The following IL1RAPL2 variants were observed in gnomAD, a reference collection of about 807,000 sequenced individuals.
IL1RAPL2 encodes interleukin 1 receptor accessory protein like 2, also known as X-linked interleukin-1 receptor accessory protein-like 2.
A neutral mutation model predicts 44.1 loss-of-function variants in IL1RAPL2; 3 were observed. That is an observed-to-expected ratio of 0.07 (90% CI 0.03 to 0.18). The LOEUF (loss-of-function observed/expected upper bound fraction) is 0.18. Ranked by LOEUF, IL1RAPL2 falls within the 10% of genes least tolerant of loss-of-function variation. The probability of loss-of-function intolerance (pLI) is 1.00; values close to 1 mark genes in which losing one functional copy is unlikely to be tolerated. For missense variants in IL1RAPL2, 391 were observed against 496.4 expected, an observed-to-expected ratio of 0.79 and a Z score of 2.02; for synonymous variants, 181 against 178.8, an observed-to-expected ratio of 1.01 and a Z score of -0.10.
intron 2 of IL1RAPL2, among the ~76,000 whole-genome samples, chrX:104,826,938 C>CTTTTTTTTTTTTTTTT (rs1176113214): frequency 1.5e-3 from 51 of 34,871 alleles, no homozygotes; most frequent in Admixed American, 1.8e-3. Context: ...GCAACCCCTG[C>CTTTTTTTTTTTTTTTT]TTTTTTTTTT....
At chrX:104,952,565 A>T (rs1245132768) in intron 2 of IL1RAPL2, among the ~76,000 whole-genome samples, 1 of 111,963 alleles carries the variant, frequency 8.9e-6, no homozygotes, top group Non-Finnish European at 1.9e-5. Flanking sequence ...AGAGTTATGT[A>T]TTATTTCCCA....
At chrX:104,660,706 G>T (rs1364892219) in intron 2 of IL1RAPL2, among the ~76,000 whole-genome samples, 3 of 104,945 alleles carry the variant, frequency 2.9e-5, no homozygotes, top group Non-Finnish European at 3.9e-5. Context: ...GGAGGCCAAG[G>T]TGGGTGGATT....
At chrX:105,299,451 A>G (rs2034679139) in intron 5 of IL1RAPL2, among the ~76,000 whole-genome samples, 1 of 111,146 alleles carries the variant, frequency 9.0e-6, no homozygotes, top group Non-Finnish European at 1.9e-5. Flanking sequence ...AAGTGTGGAG[A>G]TCATTGATTG....
chrX:104,891,608 T>C (rs959475174), intron 2 of IL1RAPL2, among the ~76,000 whole-genome samples: 1 of 112,036 alleles, frequency 8.9e-6, no homozygotes, highest in African/African-American at 3.2e-5. Flanking sequence ...CCATTATTGA[T>C]GTATAAGAAT....
chrX:104,584,011 T>C (rs1301938114), intron 1 of IL1RAPL2, among the ~76,000 whole-genome samples: 7 of 111,166 alleles, frequency 6.3e-5, no homozygotes, highest in Non-Finnish European at 1.1e-4. Context: ...AGTCCCGGGT[T>C]CCTCAAAGTG....
chrX:104,741,718 C>T (rs751185003), intron 2 of IL1RAPL2, among the ~76,000 whole-genome samples: 1 of 110,804 alleles, frequency 9.0e-6, no homozygotes, highest in Non-Finnish European at 1.9e-5. Context: ...GTTGTTTCAG[C>T]ACTGAGGATC....
chrX:105,618,175 G>A (rs185987142), intron 6 of IL1RAPL2, among the ~76,000 whole-genome samples: 2 of 107,451 alleles, frequency 1.9e-5, no homozygotes, highest in East Asian at 5.9e-4. Context: ...TACACCCTTA[G>A]GCAGAAAGAA....
intron 6 of IL1RAPL2, among the ~76,000 whole-genome samples, chrX:105,660,770 T>C (rs1171035853): frequency 2.8e-5 from 3 of 108,550 alleles, no homozygotes; most frequent in African/African-American, 1.0e-4. Context: ...CAAAACAACA[T>C]AAAACAGATA....
intron 2 of IL1RAPL2, among the ~76,000 whole-genome samples, chrX:104,938,612 G>A (rs1925083493): frequency 9.3e-6 from 1 of 107,841 alleles, no homozygotes; most frequent in Non-Finnish European, 1.9e-5. Context: ...TTTCCCTTTT[G>A]TTTTCTGCTC....
At chrX:104,695,372 C>A (rs753024456) in intron 2 of IL1RAPL2, among the ~76,000 whole-genome samples, 91 of 106,915 alleles carry the variant, frequency 8.5e-4, no homozygotes, top group Non-Finnish European at 1.4e-3. Flanking sequence ...AGAGAGAGAG[C>A]GAGCACGAGA....
chrX:105,119,079 T>A (rs1236358428), intron 2 of IL1RAPL2, among the ~76,000 whole-genome samples: 1 of 111,478 alleles, frequency 9.0e-6, no homozygotes, highest in Non-Finnish European at 1.9e-5. Context: ...TGTAGCCAGG[T>A]TTTTAGTTAC....
chrX:105,210,276 G>T (rs2033797702), intron 3 of IL1RAPL2, among the ~76,000 whole-genome samples: 1 of 111,312 alleles, frequency 9.0e-6, no homozygotes, highest in Non-Finnish European at 1.9e-5. Context: ...GTATTTCTGT[G>T]AACATTTAAT....
intron 3 of IL1RAPL2, among the ~76,000 whole-genome samples, chrX:105,221,990 T>G (rs781972980): frequency 3.8e-4 from 42 of 111,741 alleles, no homozygotes; most frequent in Non-Finnish European, 6.8e-4. Context: ...CTGTCTTTAA[T>G]TTCTTCATAA....
rs759437149 is a variant in IL1RAPL2, at chrX:104,761,923, CCTTCTTCTTCTTCTTCTT to C, written c.82+102972_82+102989del. ...TCCTTCTCCTTCTCCTTCTCCTTCTCCTTCTTCTTCTTCTTCTTCTTCTTCTTCTTCTTCTTCTTCTTC... is the reference window on the plus strand; with the variant it reads ...TCCTTCTCCTTCTCCTTCTCCTTCTCCTTCTTCTTCTTCTTCTTCTTCTTC... On this transcript the variant is annotated intron_variant, in intron 2 of 10. Transcript: ENST00000372582. Among the ~76,000 whole-genome samples, 205 of 30,775 alleles carry C rather than the reference CCTTCTTCTTCTTCTTCTT, an allele frequency of 6.7e-3. 5 individuals carry two copies. The highest frequency in any genetic ancestry group is 0.013 in the South Asian group (5 of 374). The allele number at this position is 30,775 out of a possible 115,157, so 26.7% of individuals were successfully genotyped here. A position where few individuals can be genotyped will look rare whatever the true frequency, so the allele number is the denominator to read the frequency against.
intron 2 of IL1RAPL2, among the ~76,000 whole-genome samples, chrX:104,994,473 A>T (rs1009111996): frequency 1.8e-5 from 2 of 111,518 alleles, no homozygotes; most frequent in Non-Finnish European, 3.8e-5. Context: ...TCTGTAAAAA[A>T]CCCATTGAAC....
intron 6 of IL1RAPL2, among the ~76,000 whole-genome samples, chrX:105,527,525 T>C (rs1393961112): frequency 9.1e-6 from 1 of 109,328 alleles, no homozygotes; most frequent in Non-Finnish European, 1.9e-5. Flanking sequence ...TTACCAAAAG[T>C]TACCCTTAGG....
chrX:104,810,115 G>A (rs1446523105), intron 2 of IL1RAPL2, among the ~76,000 whole-genome samples: 1 of 109,653 alleles, frequency 9.1e-6, no homozygotes, highest in Non-Finnish European at 1.9e-5. Flanking sequence ...TCCTTTGTAG[G>A]GACATGGATG....
chrX:104,932,402 A>G (rs929570530), intron 2 of IL1RAPL2, among the ~76,000 whole-genome samples: 3 of 111,612 alleles, frequency 2.7e-5, no homozygotes, highest in Non-Finnish European at 5.6e-5. Context: ...TTACAGGTAA[A>G]AAATCACACA....
At chrX:105,556,381 CAG>C (rs2036896886) in intron 6 of IL1RAPL2, among the ~76,000 whole-genome samples, 1 of 111,453 alleles carries the variant, frequency 9.0e-6, no homozygotes, top group Non-Finnish European at 1.9e-5. Flanking sequence ...GACATTTATT[CAG>C]AGTCATCCAT....
Sources: allele counts gnomAD v4.1 joint callset (sites outside exome capture counted in the v4.1 genomes callset), GRCh38; gene constraint gnomAD v4.1.1; transcripts MANE v1.5; gene names NCBI Gene and HGNC (gene_info 2026-07-23, HGNC 2026-07-21).